The following COMMD1 variants were observed in gnomAD, a reference collection of about 807,000 sequenced individuals.
COMMD1 encodes COMM domain-containing protein 1.
In COMMD1, 10 loss-of-function variants were observed where a neutral mutation model predicts 17.2. That is an observed-to-expected ratio of 0.58 (90% CI 0.36 to 0.99). The LOEUF (loss-of-function observed/expected upper bound fraction) is 0.99, where lower values mean the gene tolerates loss of function less well. COMMD1 is among the 50% of genes least tolerant of loss of function. COMMD1 has a pLI of 0.01. For missense variants in COMMD1, 270 were observed against 231.8 expected (o/e 1.17, Z -1.07); for synonymous variants, 97 against 91.6 (o/e 1.06, Z -0.34).
chr2:62,031,914 C>G (rs1434931829), intron 2 of COMMD1, among the ~76,000 whole-genome samples: 1 of 152,190 alleles, frequency 6.6e-6, no homozygotes, highest in African/African-American at 2.4e-5. Context: ...TTGAGAACAT[C>G]CACTATCACA....
At chr2:62,063,122 C>T (rs999592976) in intron 2 of COMMD1, among the ~76,000 whole-genome samples, 35 of 152,098 alleles carry the variant, frequency 2.3e-4, no homozygotes, top group African/African-American at 8.0e-4. Flanking sequence ...GAGGCTGAAG[C>T]AGGAGAATCG....
chr2:61,896,010 A>G (rs961292118), intron 1 of COMMD1, among the ~76,000 whole-genome samples: 10 of 152,256 alleles, frequency 6.6e-5, no homozygotes, highest in Non-Finnish European at 1.3e-4. Context: ...CATCCCATCA[A>G]TTCAGGGACC....
In COMMD1 at chr2:62,089,309, C is replaced by G. The variant is rs574164218; in HGVS notation, c.463-46522C>G. On this transcript the variant is annotated intron_variant, in intron 2 of 2. Coordinates refer to ENST00000311832, the MANE Select transcript of COMMD1 (RefSeq NM_152516.4). ...TTTTTTTTTTTTTCTTTTTTTCAGT[C>G]GAGTCTCACTCTGTTGCCCAGGCTG... is the stretch of plus-strand genomic sequence containing the variant. 2.6e-4 allele frequency among the ~76,000 whole-genome samples: 35 copies of G among 136,834 alleles called. 1 individual carries two copies. The highest frequency in any genetic ancestry group is 9.4e-4 in the African/African-American group (35 of 37,232). The allele number at this position is 136,834 out of a possible 152,430, so 89.8% of individuals were successfully genotyped here. A position where few individuals can be genotyped will look rare whatever the true frequency, so the allele number is the denominator to read the frequency against.
intron 2 of COMMD1, among the ~76,000 whole-genome samples, chr2:62,094,357 T>C (rs11674110): frequency 0.16 from 24,470 of 152,064 alleles, 2,164 homozygotes; most frequent in East Asian, 0.23. Context: ...GACAAATTCT[T>C]TGATGTTTTT....
intron 2 of COMMD1, among the ~76,000 whole-genome samples, chr2:62,106,535 G>A (rs1215349200): frequency 6.6e-6 from 1 of 152,210 alleles, no homozygotes; most frequent in African/African-American, 2.4e-5. Flanking sequence ...AATTAGATCA[G>A]AGGAGACCCT....
chr2:62,057,061 T>C (rs1039865170), intron 2 of COMMD1, among the ~76,000 whole-genome samples: 6 of 152,154 alleles, frequency 3.9e-5, no homozygotes, highest in Non-Finnish European at 8.8e-5. Context: ...CGAGTATCAC[T>C]GTCTCCCACC....
At chr2:62,069,476 T>A (rs1671142379) in intron 2 of COMMD1, 1 of 152,180 alleles carries the variant, frequency 6.6e-6, no homozygotes, top group Non-Finnish European at 1.5e-5. Flanking sequence ...GGCACTTTAT[T>A]TGACTTAAAA....
At chr2:62,050,920 C>T (rs1670517723) in intron 2 of COMMD1, among the ~76,000 whole-genome samples, 1 of 152,038 alleles carries the variant, frequency 6.6e-6, no homozygotes, top group Non-Finnish European at 1.5e-5. Context: ...CCCTTTTCTT[C>T]CTTAAAATTG....
chr2:61,909,380 T>C (rs947331100), intron 1 of COMMD1, among the ~76,000 whole-genome samples: 4 of 152,218 alleles, frequency 2.6e-5, no homozygotes. Flanking sequence ...ATATCAGTTC[T>C]TTCTGGCAGG....
chr2:62,104,633 C>CAAAAAAAAAAA (rs35679940), intron 2 of COMMD1, among the ~76,000 whole-genome samples: 6 of 76,738 alleles, frequency 7.8e-5, no homozygotes, highest in African/African-American at 1.5e-4. Flanking sequence ...GACTCCGTCT[C>CAAAAAAAAAAA]AAAAAAAAAA....
At chr2:61,923,895 G>C (rs1670258465) in intron 1 of COMMD1, among the ~76,000 whole-genome samples, 1 of 152,140 alleles carries the variant, frequency 6.6e-6, no homozygotes, top group Non-Finnish European at 1.5e-5. Flanking sequence ...TCCCACCTCA[G>C]CCTCCTGAGT....
chr2:62,031,251 A>G (rs1669901448), intron 2 of COMMD1, among the ~76,000 whole-genome samples: 1 of 152,248 alleles, frequency 6.6e-6, no homozygotes, highest in South Asian at 2.1e-4. Flanking sequence ...AGGCCTCTGT[A>G]TAACAGAAGA....
At chr2:62,046,781 A>G (rs1211603949) in intron 2 of COMMD1, among the ~76,000 whole-genome samples, 1 of 152,220 alleles carries the variant, frequency 6.6e-6, no homozygotes, top group African/African-American at 2.4e-5. Context: ...CAGTCACATT[A>G]TTCAGTTGTT....
chr2:61,974,615 C>G (rs941098212), intron 1 of COMMD1, among the ~76,000 whole-genome samples: 7 of 136,878 alleles, frequency 5.1e-5, no homozygotes, highest in Non-Finnish European at 7.6e-5. Context: ...GAGGTTGCAG[C>G]AAGCTGAGAT....
chr2:62,104,170 A>T (rs1672259656), intron 2 of COMMD1, among the ~76,000 whole-genome samples: 1 of 152,180 alleles, frequency 6.6e-6, no homozygotes. Context: ...AGCTTGTTAT[A>T]GGATAGTAAT....
At chr2:61,946,423 A>G (rs1670906790) in intron 1 of COMMD1, among the ~76,000 whole-genome samples, 1 of 152,210 alleles carries the variant, frequency 6.6e-6, no homozygotes, top group Admixed American at 6.5e-5. Flanking sequence ...TTTTTAAAAG[A>G]AGACTTGGTT....
intron 2 of COMMD1, among the ~76,000 whole-genome samples, chr2:62,002,970 C>T (rs886778653): frequency 4.6e-5 from 7 of 151,602 alleles, no homozygotes; most frequent in South Asian, 2.1e-4. Flanking sequence ...CAGTGGCTCA[C>T]GCCTGTAATC....
At chr2:61,930,652 TGTGTGA>T (rs1169626019) in intron 1 of COMMD1, among the ~76,000 whole-genome samples, 17 of 151,224 alleles carry the variant, frequency 1.1e-4, no homozygotes, top group African/African-American at 2.2e-4. Context: ...TGTGTGTGTG[TGTGTGA>T]GTGAGTGTTT....
chr2:62,032,711 A>G (rs947791865), intron 2 of COMMD1, among the ~76,000 whole-genome samples: 1 of 151,990 alleles, frequency 6.6e-6, no homozygotes, highest in African/African-American at 2.4e-5. Flanking sequence ...CTGTTGGTTT[A>G]GCTTCTTTCT....
Sources: allele counts gnomAD v4.1 joint callset (sites outside exome capture counted in the v4.1 genomes callset), GRCh38; gene constraint gnomAD v4.1.1; transcripts MANE v1.5; gene names NCBI Gene and HGNC (gene_info 2026-07-23, HGNC 2026-07-21).